The following SBF2 variants were observed in gnomAD, a reference collection of about 807,000 sequenced individuals.
SBF2 encodes the protein SET binding factor 2.
In SBF2, 112 loss-of-function variants were observed where a neutral mutation model predicts 225.2. That is an observed-to-expected ratio of 0.50 (90% confidence interval 0.43 to 0.58). The LOEUF (loss-of-function observed/expected upper bound fraction) is 0.58. Among genes scored for constraint, SBF2 ranks in the 20% least tolerant of loss-of-function variants. The probability of loss-of-function intolerance (pLI) is 0.00; values close to 1 mark genes in which losing one functional copy is unlikely to be tolerated. For missense variants in SBF2, 1,996 were observed against 2,206.2 expected, an observed-to-expected ratio of 0.90 and a Z score of 1.91; for synonymous variants, 763 against 773.3, an observed-to-expected ratio of 0.99 and a Z score of 0.22.
chr11:10,055,103 T>C (rs868290873), intron 2 of SBF2, among the ~76,000 whole-genome samples: 1 of 152,142 alleles, frequency 6.6e-6, no homozygotes, highest in Non-Finnish European at 1.5e-5. Context: ...GGTTTTACCA[T>C]GCTGGCCAGG....
intron 14 of SBF2, among the ~76,000 whole-genome samples, chr11:9,964,922 A>G (rs991435633): frequency 2.6e-5 from 4 of 152,142 alleles, no homozygotes; most frequent in Non-Finnish European, 5.9e-5. Context: ...TGTCACATGG[A>G]CATACTGCAT....
chr11:10,211,170 G>C (rs1957934824), intron 1 of SBF2, among the ~76,000 whole-genome samples: 3 of 151,962 alleles, frequency 2.0e-5, no homozygotes, highest in African/African-American at 7.3e-5. Flanking sequence ...TTAGAAATTT[G>C]TTCTCTATCA....
chr11:10,048,846 A>G (rs967842835), intron 2 of SBF2, among the ~76,000 whole-genome samples: 1 of 152,224 alleles, frequency 6.6e-6, no homozygotes, highest in African/African-American at 2.4e-5. Context: ...AAAATCATGC[A>G]TGTGAAAGAT....
chr11:10,090,964 C>A (rs1229450005), intron 2 of SBF2, among the ~76,000 whole-genome samples: 1 of 152,020 alleles, frequency 6.6e-6, no homozygotes, highest in Non-Finnish European at 1.5e-5. Context: ...TATTGCAATT[C>A]TCACACACCA....
intron 1 of SBF2, among the ~76,000 whole-genome samples, chr11:10,212,678 C>T (rs1299496235): frequency 2.0e-5 from 3 of 152,170 alleles, no homozygotes; most frequent in Non-Finnish European, 4.4e-5. Flanking sequence ...GTGAGCTACC[C>T]TTCCATGACA....
At chr11:9,822,402 A>G (rs1283342125) in intron 28 of SBF2, among the ~76,000 whole-genome samples, 1 of 151,964 alleles carries the variant, frequency 6.6e-6, no homozygotes, top group Non-Finnish European at 1.5e-5. Flanking sequence ...CTGGGACTAC[A>G]GGCGCCCGCC....
At chr11:10,028,331 T>C in intron 6 of SBF2, 121 bp downstream of exon 6, 1 of 706,412 alleles carries the variant, frequency 1.4e-6, no homozygotes, top group Non-Finnish European at 2.5e-6. Context: ...CTCCTATATA[T>C]AAAATATTTA....
Position 10,194,005 on chromosome 11 carries a change from G to C in SBF2, c.56-18C>G. ...TCCTGATCCTGTTAATAAAATCAAA[G>C]TGAATCATTATTATAGGACACTAAA... On this transcript the variant is annotated intron_variant, in intron 1 of 39. Transcript: ENST00000256190. 6.5e-7 allele frequency: 1 copy of C among 1,528,334 alleles called. No homozygotes were observed. Among genetic ancestry groups the C allele is most frequent in the Non-Finnish European group, 9.1e-7 (1 of 1,102,138 alleles). The allele number at this position is 1,528,334 out of a possible 1,614,324, so 94.7% of individuals were successfully genotyped here.
intron 28 of SBF2, among the ~76,000 whole-genome samples, chr11:9,819,758 A>G (rs1854649768): frequency 6.6e-6 from 1 of 152,252 alleles, no homozygotes; most frequent in South Asian, 2.1e-4. Context: ...TCTTTGAGCA[A>G]GGTCATCACA....
At chr11:10,140,727 C>A (rs554398804) in intron 2 of SBF2, among the ~76,000 whole-genome samples, 1 of 152,210 alleles carries the variant, frequency 6.6e-6, no homozygotes, top group African/African-American at 2.4e-5. Context: ...TTGAGAGTGG[C>A]ATTTGAAGTG....
At chr11:10,146,413 G>A (rs1032910109) in intron 2 of SBF2, among the ~76,000 whole-genome samples, 1 of 151,778 alleles carries the variant, frequency 6.6e-6, no homozygotes, top group Admixed American at 6.6e-5. Flanking sequence ...CCAGAAGTAA[G>A]GCTGCATAAC....
intron 1 of SBF2, among the ~76,000 whole-genome samples, chr11:10,257,482 TAG>T (rs1960961548): frequency 6.6e-6 from 1 of 151,416 alleles, no homozygotes; most frequent in African/African-American, 2.4e-5. Context: ...CTATTATCAG[TAG>T]AAACCTTGTA....
At chr11:10,114,928 G>A (rs189601581) in intron 2 of SBF2, among the ~76,000 whole-genome samples, 146 of 152,276 alleles carry the variant, frequency 9.6e-4, no homozygotes, top group African/African-American at 2.9e-3. Flanking sequence ...AGCCTGGTGT[G>A]CCTGGAGCTA....
chr11:9,977,627 CAT>C (rs761126452), intron 13 of SBF2, among the ~76,000 whole-genome samples: 3 of 152,202 alleles, frequency 2.0e-5, no homozygotes, highest in Non-Finnish European at 4.4e-5. Flanking sequence ...AAAGAAGCTG[CAT>C]AGAGGTGTTG....
intron 19 of SBF2, among the ~76,000 whole-genome samples, chr11:9,856,135 C>T (rs1363140901): frequency 6.6e-6 from 1 of 152,128 alleles, no homozygotes; most frequent in African/African-American, 2.4e-5. Context: ...GCCACTTTTG[C>T]AAGAAGGTGC....
intron 1 of SBF2, among the ~76,000 whole-genome samples, chr11:10,198,897 T>A (rs1957476047): frequency 6.6e-6 from 1 of 152,234 alleles, no homozygotes; most frequent in African/African-American, 2.4e-5. Flanking sequence ...GGCCTTGTGC[T>A]GAGGATTAGG....
intron 6 of SBF2, among the ~76,000 whole-genome samples, chr11:10,017,625 G>A (rs760419301): frequency 2.0e-4 from 30 of 152,130 alleles, no homozygotes; most frequent in Admixed American, 6.5e-5. Context: ...TGATAGATAT[G>A]GCAAGTATTC....
At chr11:10,286,351 G>GTTTT (rs34975719) in intron 1 of SBF2, among the ~76,000 whole-genome samples, 6 of 142,618 alleles carry the variant, frequency 4.2e-5, no homozygotes, top group Non-Finnish European at 7.6e-5. Flanking sequence ...TTGTTCTTTG[G>GTTTT]TTTTTTTTTT....
At chr11:10,075,335 T>C (rs546109942) in intron 2 of SBF2, among the ~76,000 whole-genome samples, 1 of 152,240 alleles carries the variant, frequency 6.6e-6, no homozygotes, top group Non-Finnish European at 1.5e-5. Flanking sequence ...AACACTGTTA[T>C]AGAATTATGA....
Sources: allele counts gnomAD v4.1 joint callset (sites outside exome capture counted in the v4.1 genomes callset), GRCh38; gene constraint gnomAD v4.1.1; transcripts MANE v1.5; gene names NCBI Gene and HGNC (gene_info 2026-07-23, HGNC 2026-07-21).